Variants in SLC36A3 observed in about 807,000 individuals in gnomAD.
SLC36A3 encodes the protein solute carrier family 36 member 3, also known as proton-coupled amino acid transporter 3.
In SLC36A3, 35 loss-of-function variants were observed where a neutral mutation model predicts 44.3. The observed-to-expected ratio is 0.79, with a 90% CI of 0.60 to 1.05. The LOEUF is 1.05. SLC36A3 is among the 50% of genes least tolerant of loss of function. SLC36A3 has a pLI of 0.00. For missense variants in SLC36A3, 540 were observed against 578.7 expected (o/e 0.93, Z 0.69); for synonymous variants, 211 against 227.6 (o/e 0.93, Z 0.66).
Position 151,281,177 on chromosome 5 carries a change from G to T in SLC36A3, c.981C>A (p.Tyr327Ter). 1 of 1,608,286 alleles carries T rather than the reference G, an allele frequency of 6.2e-7. No homozygotes were observed. The highest frequency in any genetic ancestry group is 8.5e-7 in the Non-Finnish European group (1 of 1,176,862). ...TAGAGTACATCAGCTTGACTGACTG[G>T]TACAACCTGCAGACACATGAATTGG... ...ITLNLPNCWL[Y>*]QSVKLMYSIG... The change falls in exon 9 of 10, where the codon TAC becomes TAA. Residue 327 changes from tyrosine (Y) to a stop codon, truncating the protein, a stop_gained. Coordinates refer to ENST00000335230, the MANE Select transcript of SLC36A3 (RefSeq NM_181774.4). LOFTEE classifies it high-confidence loss of function.
chr5:151,298,488 G>T (rs1755036532), intron 2 of SLC36A3, 105 bp downstream of exon 2: 1 of 1,096,870 alleles, frequency 9.1e-7, no homozygotes, highest in Non-Finnish European at 1.3e-6. Context: ...AATTGCAGAG[G>T]GTACCCCCAA....
intron 6 of SLC36A3, among the ~76,000 whole-genome samples, chr5:151,285,043 G>A (rs924733362): frequency 5.3e-5 from 8 of 151,892 alleles, no homozygotes; most frequent in African/African-American, 1.9e-4. Flanking sequence ...AAATAATAAC[G>A]CCCCACTACC....
chr5:151,292,526 C>T (rs1027777513), intron 4 of SLC36A3, among the ~76,000 whole-genome samples: 1 of 152,194 alleles, frequency 6.6e-6, no homozygotes, highest in Non-Finnish European at 1.5e-5. Context: ...CCCTGCCTAC[C>T]TCACAAGGCT....
At chr5:151,294,343 T>G (rs1049372560) in intron 3 of SLC36A3, among the ~76,000 whole-genome samples, 5 of 152,186 alleles carry the variant, frequency 3.3e-5, no homozygotes. Context: ...CTGGCAAGGA[T>G]ATGAATCTGA....
At position 151,303,627 on chromosome 5, in the gene SLC36A3, T is replaced by C. The variant is rs974183652; in HGVS notation, c.-273A>G. On this transcript the variant is annotated 5_prime_UTR_variant, in exon 1 of 10. Coordinates refer to ENST00000335230, the MANE Select transcript of SLC36A3 (RefSeq NM_181774.4). ...GTCCTCAGTTTCACTCGCAATTGCT[T>C]GCCCAACCAGGACTTGCCTGGGCTT... 3.6e-5 allele frequency: 13 copies of C among 361,292 alleles called. No homozygotes were observed. Among genetic ancestry groups the C allele is most frequent in the Non-Finnish European group, 6.5e-5 (13 of 198,888 alleles). The allele number at this position is 361,292 out of a possible 1,614,324, so 22.4% of individuals were successfully genotyped here. A position where few individuals can be genotyped will look rare whatever the true frequency, so the allele number is the denominator to read the frequency against.
At chr5:151,292,710 G>A (rs1423991687) in intron 4 of SLC36A3, among the ~76,000 whole-genome samples, 2 of 152,236 alleles carry the variant, frequency 1.3e-5, no homozygotes, top group Admixed American at 6.5e-5. Context: ...TAGGCTGGGC[G>A]AGGTGGTTCA....
At chr5:151,303,017 C>A (rs988227785) in intron 1 of SLC36A3, among the ~76,000 whole-genome samples, 4 of 152,180 alleles carry the variant, frequency 2.6e-5, no homozygotes, top group Non-Finnish European at 5.9e-5. Flanking sequence ...GCTGCTCTAG[C>A]TGGGTTCTTC....
rs142129036 is a variant in SLC36A3 at position 151,295,517 on chromosome 5, C to T, written c.308+663G>A. ...AGGCTTTATGGAGAGTTTTGTTTACCGTCCCTACTTTGACTTTTGAGACCT... is the reference window on the plus strand; with the variant it reads ...AGGCTTTATGGAGAGTTTTGTTTACTGTCCCTACTTTGACTTTTGAGACCT... On this transcript the variant is annotated intron_variant, in intron 3 of 9. Transcript: ENST00000335230. 3.7e-4 allele frequency among the ~76,000 whole-genome samples: 57 copies of T among 152,210 alleles called. No individual in the cohort carries two copies. In the East Asian group the frequency reaches 8.3e-3, roughly 22 times the overall value.
At chr5:151,283,949 C>G (rs1229180440) in intron 8 of SLC36A3, 95 bp downstream of exon 8, 3 of 1,430,354 alleles carry the variant, frequency 2.1e-6, no homozygotes, top group Non-Finnish European at 2.8e-6. Flanking sequence ...GATGGATTAC[C>G]AGCTTCATGG....
At chr5:151,278,966 GC>G (rs879926907) in intron 9 of SLC36A3, among the ~76,000 whole-genome samples, 2 of 152,142 alleles carry the variant, frequency 1.3e-5, no homozygotes, top group African/African-American at 4.8e-5. Context: ...CCTTTCCATG[GC>G]TCTGCATGGC....
intron 9 of SLC36A3, among the ~76,000 whole-genome samples, chr5:151,279,222 C>CCCCTT: frequency 6.6e-6 from 1 of 152,290 alleles, no homozygotes; most frequent in East Asian, 1.9e-4. Context: ...GTTATAGGAC[C>CCCCTT]CCCTTATGTG....
intron 2 of SLC36A3, chr5:151,298,198 A>T (rs1156663569): frequency 6.2e-6 from 1 of 161,014 alleles, no homozygotes; most frequent in Non-Finnish European, 1.4e-5. Context: ...GGATTGATGG[A>T]GGCGTCTATC....
intron 8 of SLC36A3, among the ~76,000 whole-genome samples, chr5:151,282,398 C>T (rs1227394430): frequency 6.6e-6 from 1 of 152,102 alleles, no homozygotes; most frequent in Non-Finnish European, 1.5e-5. Flanking sequence ...GAACTCCCAA[C>T]CTCAGGTGAT....
At chr5:151,287,022 TGAC>T (rs1244634922) in intron 6 of SLC36A3, among the ~76,000 whole-genome samples, 3 of 145,252 alleles carry the variant, frequency 2.1e-5, no homozygotes, top group Non-Finnish European at 4.5e-5. Flanking sequence ...TTATCCAATG[TGAC>T]GATGATGATG....
chr5:151,299,708 T>C (rs1346740432), intron 1 of SLC36A3, among the ~76,000 whole-genome samples: 1 of 152,200 alleles, frequency 6.6e-6, no homozygotes, highest in Non-Finnish European at 1.5e-5. Context: ...GCTCTGCCGC[T>C]AACCTACTGT....
intron 1 of SLC36A3, among the ~76,000 whole-genome samples, chr5:151,300,793 C>G (rs1755143571): frequency 6.6e-6 from 1 of 152,262 alleles, no homozygotes; most frequent in Non-Finnish European, 1.5e-5. Flanking sequence ...TTCCAAAATC[C>G]CACCAATGGA....
chr5:151,292,650 G>A (rs77343225), intron 4 of SLC36A3, among the ~76,000 whole-genome samples: 4,818 of 152,182 alleles, frequency 0.032, 108 homozygotes, highest in Non-Finnish European at 0.042. Context: ...CAAATGAAAC[G>A]GATATACATC....
Position 151,281,046 on chromosome 5 carries a change from A to G in SLC36A3, c.1112T>C (p.Leu371Pro). The G allele has an allele frequency of 6.2e-7, 1 of 1,614,214 alleles. No homozygotes were observed. ...VSESWALFVD[L>P]SVRSALVCLT... Reference sequence around the variant, plus strand: ...ACAGACCAAGGCTGAGCGGACAGACAGGTCTACAAACAGTGCCCAGCTCTC... The same window carrying G: ...ACAGACCAAGGCTGAGCGGACAGACGGGTCTACAAACAGTGCCCAGCTCTC... The change falls in exon 9 of 10, where the codon CTG becomes CCG. Residue 371 changes from leucine to proline, a missense_variant. Transcript: ENST00000335230.
chr5:151,285,961 A>G (rs1476359313), intron 6 of SLC36A3, among the ~76,000 whole-genome samples: 1 of 147,602 alleles, frequency 6.8e-6, no homozygotes, highest in Non-Finnish European at 1.5e-5. Context: ...AGCACTGGAA[A>G]ATAAATTTGT....
Sources: gnomAD v4.1 joint callset for allele counts (sites outside exome capture counted in the v4.1 genomes callset) on GRCh38, gnomAD v4.1.1 for gene constraint, MANE v1.5 for transcripts, NCBI Gene and HGNC (gene_info 2026-07-23, HGNC 2026-07-21) for gene names.